The following ENTREP2 variants were observed in gnomAD, a reference collection of about 807,000 sequenced individuals.
ENTREP2 encodes the protein protein ENTREP2.
the ENTREP2 span, among the ~76,000 whole-genome samples, chr15:29,238,801 G>A: frequency 1.3e-5 from 2 of 152,010 alleles, no homozygotes; most frequent in African/African-American, 4.8e-5. Flanking sequence ...AGAGAGGAGC[G>A]AGGTGCTACA....
chr15:29,158,344 T>C, the ENTREP2 span, among the ~76,000 whole-genome samples: 5 of 151,786 alleles, frequency 3.3e-5, no homozygotes, highest in African/African-American at 7.3e-5. Context: ...GCAAACCACC[T>C]GGTATTGCGT....
chr15:29,672,117 G>C, the ENTREP2 span, among the ~76,000 whole-genome samples: 1 of 152,188 alleles, frequency 6.6e-6, no homozygotes, highest in South Asian at 2.1e-4. Flanking sequence ...CTCCCGAGTA[G>C]CTGGGATTAC....
At chr15:29,134,195 C>G in the ENTREP2 span, among the ~76,000 whole-genome samples, 3 of 152,174 alleles carry the variant, frequency 2.0e-5, no homozygotes, top group Non-Finnish European at 4.4e-5. Flanking sequence ...GAAAACTAAA[C>G]AACATTGGGA....
At chr15:29,269,549 C>A in the ENTREP2 span, 2 of 1,512,842 alleles carry the variant, frequency 1.3e-6, no homozygotes. Context: ...CCGCCCGGCC[C>A]GCGGGACGTG....
chr15:29,265,583 G>A, the ENTREP2 span: 2 of 152,422 alleles, frequency 1.3e-5, no homozygotes, highest in African/African-American at 4.8e-5. Flanking sequence ...AGATTGCACT[G>A]AGCCAAGATT....
At chr15:29,401,628 C>G in the ENTREP2 span, among the ~76,000 whole-genome samples, 1 of 152,118 alleles carries the variant, frequency 6.6e-6, no homozygotes, top group African/African-American at 2.4e-5. Flanking sequence ...ACTGTACATA[C>G]CCATACTCAA....
chr15:29,167,137 T>A, the ENTREP2 span, among the ~76,000 whole-genome samples: 1 of 152,070 alleles, frequency 6.6e-6, no homozygotes, highest in Non-Finnish European at 1.5e-5. Flanking sequence ...TGAAACTGGA[T>A]CCTCATCTGT....
At chr15:29,124,244 A>G in the ENTREP2 span, among the ~76,000 whole-genome samples, 1 of 152,144 alleles carries the variant, frequency 6.6e-6, no homozygotes, top group Non-Finnish European at 1.5e-5. Context: ...TCCCTGTAAG[A>G]CGGCCAGCTC....
At chr15:29,294,975 G>C in the ENTREP2 span, among the ~76,000 whole-genome samples, 1 of 152,190 alleles carries the variant, frequency 6.6e-6, no homozygotes, top group South Asian at 2.1e-4. Flanking sequence ...TGTCGGTGCT[G>C]CAAGGATGGA....
At chr15:29,573,931 G>C in the ENTREP2 span, among the ~76,000 whole-genome samples, 2 of 152,210 alleles carry the variant, frequency 1.3e-5, no homozygotes, top group South Asian at 4.1e-4. Context: ...ATGAACACTT[G>C]CAATTTGGAG....
chr15:29,491,216 G>T, the ENTREP2 span, among the ~76,000 whole-genome samples: 2 of 152,158 alleles, frequency 1.3e-5, no homozygotes, highest in Non-Finnish European at 2.9e-5. Flanking sequence ...GCTAGCCCAC[G>T]AGCCCTGTGC....
At chr15:29,392,267 T>G in the ENTREP2 span, among the ~76,000 whole-genome samples, 3 of 152,168 alleles carry the variant, frequency 2.0e-5, no homozygotes, top group Non-Finnish European at 2.9e-5. Context: ...CGGCCTGTAA[T>G]AGTTTTATTT....
At chr15:29,498,053 G>A in the ENTREP2 span, among the ~76,000 whole-genome samples, 2 of 152,156 alleles carry the variant, frequency 1.3e-5, no homozygotes, top group Non-Finnish European at 2.9e-5. Flanking sequence ...GGATCACAGA[G>A]GTGGTTTGCC....
chr15:29,263,416 G>T, the ENTREP2 span, among the ~76,000 whole-genome samples: 1 of 152,220 alleles, frequency 6.6e-6, no homozygotes, highest in African/African-American at 2.4e-5. Context: ...AAGGTCACCT[G>T]AGTGGGGTTA....
the ENTREP2 span, among the ~76,000 whole-genome samples, chr15:29,571,682 A>G: frequency 6.6e-6 from 1 of 152,254 alleles, no homozygotes; most frequent in African/African-American, 2.4e-5. Flanking sequence ...AATATCATTA[A>G]TAACCGATTA....
chr15:29,550,107 G>C, the ENTREP2 span, among the ~76,000 whole-genome samples: 1 of 152,148 alleles, frequency 6.6e-6, no homozygotes, highest in Non-Finnish European at 1.5e-5. Context: ...AGACTCATCT[G>C]GACTTACTGT....
the ENTREP2 span, among the ~76,000 whole-genome samples, chr15:29,641,783 G>A: frequency 6.8e-6 from 1 of 146,082 alleles, no homozygotes; most frequent in Admixed American, 6.9e-5. Flanking sequence ...AGTGAGCCAA[G>A]ATTGCGCCAC....
the ENTREP2 span, among the ~76,000 whole-genome samples, chr15:29,422,993 C>CA: frequency 2.0e-5 from 3 of 152,126 alleles, no homozygotes; most frequent in African/African-American, 7.2e-5. Flanking sequence ...TAATGTTTTA[C>CA]AAAATATTAG....
the ENTREP2 span, among the ~76,000 whole-genome samples, chr15:29,331,427 G>A: frequency 1.3e-5 from 2 of 152,044 alleles, no homozygotes; most frequent in Middle Eastern, 3.2e-3. Context: ...ACACCTGTCC[G>A]GGGCCTCTCG....
Sources: allele counts gnomAD v4.1 joint callset (sites outside exome capture counted in the v4.1 genomes callset), GRCh38; gene constraint gnomAD v4.1.1; transcripts MANE v1.5; gene names NCBI Gene and HGNC (gene_info 2026-07-23, HGNC 2026-07-21).